The following PPEF1 variants were observed in gnomAD, a reference collection of about 807,000 sequenced individuals.
The protein encoded by PPEF1 is protein phosphatase with EF-hand domain 1.
In PPEF1, 12 loss-of-function variants were observed where a neutral mutation model predicts 53.3. The observed-to-expected ratio is 0.23, with a 90% CI of 0.14 to 0.36. The LOEUF (loss-of-function observed/expected upper bound fraction) is 0.36, where lower values mean the gene tolerates loss of function less well. Ranked by LOEUF, PPEF1 falls within the 10% of genes least tolerant of loss-of-function variation. PPEF1 has a pLI of 1.00. For missense variants in PPEF1, 334 were observed against 490.4 expected, an observed-to-expected ratio of 0.68 and a Z score of 3.01; for synonymous variants, 165 against 176.7, an observed-to-expected ratio of 0.93 and a Z score of 0.52.
At chrX:18,789,947 G>C (rs2046295371) in intron 10 of PPEF1, among the ~76,000 whole-genome samples, 1 of 111,973 alleles carries the variant, frequency 8.9e-6, no homozygotes, top group Non-Finnish European at 1.9e-5. Flanking sequence ...TTTCTCTTAA[G>C]TGTGTACCTA....
At chrX:18,797,168 T>G (rs1327407867) in intron 10 of PPEF1, among the ~76,000 whole-genome samples, 1 of 112,272 alleles carries the variant, frequency 8.9e-6, no homozygotes, top group Non-Finnish European at 1.9e-5. Context: ...TCCTGGTACA[T>G]AGTGGATAAA....
chrX:18,713,889 G>A (rs767963158), intron 1 of PPEF1, among the ~76,000 whole-genome samples: 1 of 111,745 alleles, frequency 8.9e-6, no homozygotes, highest in East Asian at 2.8e-4. Flanking sequence ...CATCATTTTA[G>A]TCATTGCTAA....
upstream of PPEF1, among the ~76,000 whole-genome samples, chrX:18,707,267 G>A (rs1020872998): frequency 2.7e-5 from 3 of 112,070 alleles, no homozygotes; most frequent in African/African-American, 9.7e-5. Context: ...TAAAAGCCTA[G>A]ATAGGTTGAA....
At chrX:18,731,558 T>G (rs2044838668) in intron 2 of PPEF1, among the ~76,000 whole-genome samples, 1 of 111,941 alleles carries the variant, frequency 8.9e-6, no homozygotes, top group Non-Finnish European at 1.9e-5. Context: ...TTGGTATGCT[T>G]TAGACACATT....
At chrX:18,782,542 C>T in intron 8 of PPEF1, 140 bp downstream of exon 8, 1 of 446,383 alleles carries the variant, frequency 2.2e-6, no homozygotes, top group South Asian at 4.1e-5. Flanking sequence ...CAATAAAATA[C>T]AAGCACAGCA....
chrX:18,689,494 C>G (rs1049899081), intron 3 of PPEF1, among the ~76,000 whole-genome samples: 1 of 105,415 alleles, frequency 9.5e-6, no homozygotes, highest in South Asian at 4.5e-4. Flanking sequence ...GAGTGAGACC[C>G]TGTCTCAAAC....
intron 3 of PPEF1, among the ~76,000 whole-genome samples, chrX:18,745,149 ATATAT>A (rs1452424952): frequency 1.1e-5 from 1 of 94,963 alleles, no homozygotes; most frequent in African/African-American, 3.9e-5. Flanking sequence ...TATATATATT[ATATAT>A]TATAATATAA....
intron 5 of PPEF1, among the ~76,000 whole-genome samples, chrX:18,760,089 C>T (rs774151990): frequency 5.4e-5 from 6 of 110,983 alleles, no homozygotes; most frequent in Non-Finnish European, 9.5e-5. Flanking sequence ...GGGGCTCCAG[C>T]GATTCTCCTG....
intron 10 of PPEF1, among the ~76,000 whole-genome samples, chrX:18,802,722 C>T (rs1294325237): frequency 8.9e-6 from 1 of 111,743 alleles, no homozygotes; most frequent in African/African-American, 3.3e-5. Context: ...TTAAGACACA[C>T]CTAATGTGTG....
intron 9 of PPEF1, among the ~76,000 whole-genome samples, chrX:18,786,713 G>A (rs1044587303): frequency 1.2e-4 from 13 of 104,032 alleles, no homozygotes; most frequent in African/African-American, 4.2e-4. Context: ...AACCCAGGAG[G>A]CAGAGGCTGC....
chrX:18,826,417 CTTTTTTTTTTTTTT>C (rs58697941), intron 15 of PPEF1, among the ~76,000 whole-genome samples: 55 of 24,633 alleles, frequency 2.2e-3, no homozygotes, highest in African/African-American at 9.1e-3. Flanking sequence ...TCATTTTCTG[CTTTTTTTTTTTTTT>C]TTTTTTTTTT....
chrX:18,714,640 A>C (rs1464468750), intron 1 of PPEF1, among the ~76,000 whole-genome samples: 1 of 112,197 alleles, frequency 8.9e-6, no homozygotes, highest in Non-Finnish European at 1.9e-5. Flanking sequence ...TTGATGACAA[A>C]GTATTTTTTG....
chrX:18,758,708 A>G (rs1487759107), intron 5 of PPEF1, among the ~76,000 whole-genome samples: 1 of 110,513 alleles, frequency 9.0e-6, no homozygotes, highest in Non-Finnish European at 1.9e-5. Context: ...GAAAATAGAG[A>G]CTTCGGGTCA....
chrX:18,778,886 T>G lies in PPEF1; in HGVS notation c.559-124T>G, dbSNP rs1227475104. On this transcript the variant is annotated intron_variant, in intron 6 of 15. Transcript: ENST00000470157. ...CTGGCTCAAGCGAGAGAGCAGATTT[T>G]TCCCGGTGGAAGAACCTGACTCAGC... 2.0e-5 allele frequency: 14 copies of G among 717,572 alleles called. No individual in the cohort carries two copies. The East Asian group carries it at 4.7e-4, about 24-fold the overall frequency. The allele number at this position is 717,572 out of a possible 1,213,427, so 59.1% of individuals were successfully genotyped here. A position where few individuals can be genotyped will look rare whatever the true frequency, so the allele number is the denominator to read the frequency against.
upstream of PPEF1, among the ~76,000 whole-genome samples, chrX:18,681,074 C>A (rs1351392731): frequency 9.0e-6 from 1 of 111,388 alleles, no homozygotes; most frequent in African/African-American, 3.3e-5. Flanking sequence ...CCACAATAAA[C>A]ATACGTGTGC....
chrX:18,726,662 CT>C (rs11348941), intron 1 of PPEF1, among the ~76,000 whole-genome samples: 48,591 of 101,651 alleles, frequency 0.48, 9,256 homozygotes, highest in Non-Finnish European at 0.56. Flanking sequence ...TCAGTTATTT[CT>C]TTTTTTTTTT....
chrX:18,741,568 C>T (rs1345606183), intron 3 of PPEF1, among the ~76,000 whole-genome samples: 2 of 110,752 alleles, frequency 1.8e-5, no homozygotes, highest in African/African-American at 6.6e-5. Context: ...AAAGTAAACA[C>T]ACCCATGTAA....
At chrX:18,826,137 G>A (rs1406687137) in intron 15 of PPEF1, among the ~76,000 whole-genome samples, 1 of 111,013 alleles carries the variant, frequency 9.0e-6, no homozygotes. Flanking sequence ...TATCTATTTT[G>A]TTCTTCATCT....
intron 6 of PPEF1, among the ~76,000 whole-genome samples, chrX:18,772,130 C>T (rs1258253212): frequency 1.8e-5 from 2 of 111,456 alleles, no homozygotes; most frequent in Non-Finnish European, 3.8e-5. Flanking sequence ...ATGTAGGCGA[C>T]AGGGCAAGAC....
Sources: allele counts gnomAD v4.1 joint callset (sites outside exome capture counted in the v4.1 genomes callset), GRCh38; gene constraint gnomAD v4.1.1; transcripts MANE v1.5; gene names NCBI Gene and HGNC (gene_info 2026-07-23, HGNC 2026-07-21).